SATB2: variants seen among roughly 807,000 people sequenced by gnomAD.
SATB2 encodes the protein SATB homeobox 2.
A neutral mutation model predicts 73.4 loss-of-function variants in SATB2; 1 was observed. That is an observed-to-expected ratio of 0.01 (90% CI 0.00 to 0.06). The LOEUF is 0.06. SATB2 is among the 10% of genes least tolerant of loss of function. SATB2 has a pLI of 1.00. For missense variants in SATB2, 459 were observed against 945.8 expected, an observed-to-expected ratio of 0.49 and a Z score of 6.75; for synonymous variants, 397 against 367.0, an observed-to-expected ratio of 1.08 and a Z score of -0.93.
chr2:199,279,669 A>G (rs1489863575), intron 10 of SATB2, among the ~76,000 whole-genome samples: 1 of 152,204 alleles, frequency 6.6e-6, no homozygotes, highest in East Asian at 1.9e-4. Context: ...CAGGTCCTGT[A>G]GGGTAAGGTA....
At chr2:199,291,366 A>G (rs1692852123) in intron 10 of SATB2, among the ~76,000 whole-genome samples, 1 of 152,214 alleles carries the variant, frequency 6.6e-6, no homozygotes, top group Non-Finnish European at 1.5e-5. Context: ...ACTTCTAAAA[A>G]TATGCATCTG....
intron 3 of SATB2, among the ~76,000 whole-genome samples, chr2:199,386,712 GCGCGCACACACACACACACACA>G (rs1195384227): frequency 0.11 from 7,506 of 67,640 alleles, 311 homozygotes; most frequent in Admixed American, 0.14. Context: ...GCGCGCGCGC[GCGCGCACACACACACACACACA>G]CACACACACA....
chr2:199,273,941 G>A (rs539584895), intron 10 of SATB2, among the ~76,000 whole-genome samples: 1 of 152,194 alleles, frequency 6.6e-6, no homozygotes, highest in East Asian at 1.9e-4. Context: ...TGCAGCCATC[G>A]CCCACACCTT....
chr2:199,440,454 T>A (rs1691782751), intron 2 of SATB2, among the ~76,000 whole-genome samples: 1 of 152,230 alleles, frequency 6.6e-6, no homozygotes, highest in Non-Finnish European at 1.5e-5. Flanking sequence ...CTTCACAGTA[T>A]AATATATATT....
Position 199,407,011 on chromosome 2 carries a change from T to A in SATB2, c.347-25191A>T, listed in dbSNP as rs564866279. 3.3e-4 allele frequency among the ~76,000 whole-genome samples: 51 copies of A among 152,242 alleles called. No individual in the cohort carries two copies. In the South Asian group the frequency reaches 0.01, roughly 31 times the overall value. Reference sequence around the variant, plus strand: ...CTTAAAGTAAGGAGGGTTCTTATCTTATTTTACACATGAAGTATAGAAAAG... The same window carrying A: ...CTTAAAGTAAGGAGGGTTCTTATCTAATTTTACACATGAAGTATAGAAAAG... On this transcript the variant is annotated intron_variant, in intron 3 of 10. Transcript: ENST00000417098.
At chr2:199,347,579 T>C (rs1015251668) in intron 7 of SATB2, 5 of 152,206 alleles carry the variant, frequency 3.3e-5, no homozygotes, top group Non-Finnish European at 7.3e-5. Context: ...TGCACCCACA[T>C]AGAGCTTAGC....
chr2:199,368,784 C>T, intron 5 of SATB2, 77 bp from the exon 6 acceptor site: 1 of 759,894 alleles, frequency 1.3e-6, no homozygotes, highest in Non-Finnish European at 2.2e-6. Context: ...ACTTTATAAC[C>T]TGCACTAACC....
chr2:199,438,911 G>A (rs1374271224), intron 2 of SATB2, among the ~76,000 whole-genome samples: 1 of 152,216 alleles, frequency 6.6e-6, no homozygotes, highest in Admixed American at 6.5e-5. Flanking sequence ...GGGCAGAATA[G>A]TTCAGGTTAT....
Position 199,327,545 on chromosome 2 carries a change from T to C in SATB2, c.1386+1153A>G, listed in dbSNP as rs146231227. Among the ~76,000 whole-genome samples, 173 of 152,264 alleles carry C rather than the reference T, an allele frequency of 1.1e-3. 1 individual carries two copies. The highest frequency in any genetic ancestry group is 2.1e-3 in the African/African-American group (86 of 41,560). ...AGCAACAGTGAACGGACTGGCCTTATCATAAATCTATCGAGTAGTAAAAGT... is the reference window on the plus strand; with the variant it reads ...AGCAACAGTGAACGGACTGGCCTTACCATAAATCTATCGAGTAGTAAAAGT... On this transcript the variant is annotated intron_variant, in intron 8 of 10. Coordinates refer to ENST00000417098, the MANE Select transcript of SATB2 (RefSeq NM_001172509.2).
Position 199,308,775 on chromosome 2 carries a change from G to A in SATB2, c.1725C>T (p.Pro575=). ...GGACACTGACCTGCACCGGCTCAGG[G>A]GGAAGCTGGACCACGTGTTGCATGC... ...SERMQHVVQL[P]PEPVQVLHRQ... Residue 575 remains proline, a synonymous_variant, in exon 10 of 11, where the codon CCC becomes CCT. Transcript: ENST00000417098. This position sits in a 1 kb window ranked among gnomAD's most constrained non-coding sequence, Gnocchi z 4.6. 3 of 1,614,104 alleles carry A rather than the reference G, an allele frequency of 1.9e-6. No individual in the cohort carries two copies. Among genetic ancestry groups the A allele is most frequent in the East Asian group, 4.5e-5 (2 of 44,866 alleles).
chr2:199,425,011 G>C (rs2105918213), intron 3 of SATB2, among the ~76,000 whole-genome samples: 1 of 152,202 alleles, frequency 6.6e-6, no homozygotes, highest in African/African-American at 2.4e-5. Context: ...AACAAACCTA[G>C]CTATTCAGCA....
chr2:199,358,999 T>C (rs1689064318), intron 6 of SATB2, among the ~76,000 whole-genome samples: 1 of 152,210 alleles, frequency 6.6e-6, no homozygotes, highest in Non-Finnish European at 1.5e-5. Flanking sequence ...AATAATATCT[T>C]CATTTTTATT....
At chr2:199,280,939 T>C (rs184559426) in intron 10 of SATB2, among the ~76,000 whole-genome samples, 3 of 152,266 alleles carry the variant, frequency 2.0e-5, no homozygotes, top group East Asian at 3.9e-4. Flanking sequence ...AAATCACTAA[T>C]AAAAACTTGC....
At chr2:199,310,755 C>T (rs1687572980) in intron 9 of SATB2, among the ~76,000 whole-genome samples, 1 of 152,142 alleles carries the variant, frequency 6.6e-6, no homozygotes, top group Admixed American at 6.5e-5. Flanking sequence ...AAACAAAAAC[C>T]TGCATCTGTT....
chr2:199,429,915 AAATT>A (rs1162494730), intron 3 of SATB2, among the ~76,000 whole-genome samples: 1 of 152,232 alleles, frequency 6.6e-6, no homozygotes, highest in African/African-American at 2.4e-5. Context: ...GTCTCGAAAT[AAATT>A]AATTAATTAA....
At chr2:199,374,114 C>T (rs906961925) in intron 5 of SATB2, among the ~76,000 whole-genome samples, 1 of 152,170 alleles carries the variant, frequency 6.6e-6, no homozygotes, top group East Asian at 1.9e-4. Context: ...AATTATCCTA[C>T]AATCTATTTC....
intron 7 of SATB2, among the ~76,000 whole-genome samples, chr2:199,339,665 C>T (rs7574192): frequency 0.12 from 18,562 of 152,060 alleles, 1,359 homozygotes; most frequent in South Asian, 0.32. Context: ...GTGCTTGTAT[C>T]TCTATTGGAT....
Position 199,272,365 on chromosome 2 carries a change from G to C in SATB2, c.2048C>G (p.Ala683Gly). The stretch of plus-strand genomic sequence containing the variant: ...GTCCTTATATTCAGCCACGTCCACC[G>C]CGGAGCCCAGGTGCTCTTTCAGCTT... ...HGKLKEHLGS[A>G]VDVAEYKDEE... The change falls in exon 11 of 11, where the codon GCG (alanine) becomes GGG (glycine). Residue 683 changes from alanine (A) to glycine (G), a missense_variant. Physicochemically the swap from Ala to Gly is moderately conservative, Grantham distance 60 (BLOSUM62 0). This residue lies in a region of SATB2 where 13 missense variants were observed against 18.1 expected (regional missense o/e 0.72). Coordinates refer to ENST00000417098, the MANE Select transcript of SATB2 (RefSeq NM_001172509.2). The surrounding 1 kb of genome is among the most constrained non-coding windows in gnomAD (Gnocchi z 6.7). The C allele has an allele frequency of 3.7e-6, 6 of 1,614,156 alleles. No homozygotes were observed. The highest frequency in any genetic ancestry group is 5.1e-6 in the Non-Finnish European group (6 of 1,180,026).
intron 3 of SATB2, among the ~76,000 whole-genome samples, chr2:199,387,082 A>T (rs1231749102): frequency 6.6e-6 from 1 of 152,180 alleles, no homozygotes; most frequent in Non-Finnish European, 1.5e-5. Flanking sequence ...TACAACCATT[A>T]GTTTATCCTT....
Sources: allele counts gnomAD v4.1 joint callset (sites outside exome capture counted in the v4.1 genomes callset), GRCh38; gene constraint gnomAD v4.1.1; regional missense constraint gnomAD v4.1.1; non-coding constraint Gnocchi (gnomAD v3.1); transcripts MANE v1.5; gene names NCBI Gene and HGNC (gene_info 2026-07-23, HGNC 2026-07-21).